The following SPMAP2L variants were observed in gnomAD, a reference collection of about 807,000 sequenced individuals.
SPMAP2L encodes sperm microtubule associated protein 2 like.
chr4:56,535,274 C>A, the SPMAP2L span, among the ~76,000 whole-genome samples: 1 of 152,160 alleles, frequency 6.6e-6, no homozygotes, highest in South Asian at 2.1e-4. Context: ...CCAATTTCTG[C>A]CTCCAAAGAA....
At chr4:56,603,938 G>A in the SPMAP2L span, among the ~76,000 whole-genome samples, 2 of 152,186 alleles carry the variant, frequency 1.3e-5, no homozygotes, top group African/African-American at 2.4e-5. Context: ...TACCATGAAT[G>A]AGAGAAAAAG....
the SPMAP2L span, among the ~76,000 whole-genome samples, chr4:56,582,229 A>C: frequency 6.6e-6 from 1 of 152,188 alleles, no homozygotes; most frequent in Non-Finnish European, 1.5e-5. Flanking sequence ...ACTTTTATGC[A>C]TTAAAGGACA....
chr4:56,605,080 A>G, the SPMAP2L span, among the ~76,000 whole-genome samples: 3 of 152,218 alleles, frequency 2.0e-5, no homozygotes, highest in Admixed American at 2.0e-4. Flanking sequence ...TGAGTGCACC[A>G]AAATCTCAGA....
the SPMAP2L span, among the ~76,000 whole-genome samples, chr4:56,572,721 AAAT>A: frequency 6.6e-6 from 1 of 151,966 alleles, no homozygotes; most frequent in African/African-American, 2.4e-5. Context: ...CTCTATATTA[AAAT>A]AATATTTGAG....
At chr4:56,567,817 A>G in the SPMAP2L span, among the ~76,000 whole-genome samples, 3 of 151,978 alleles carry the variant, frequency 2.0e-5, no homozygotes, top group Admixed American at 6.6e-5. Flanking sequence ...ATTATCATAT[A>G]TCTTAATGTT....
chr4:56,565,291 T>C, the SPMAP2L span, among the ~76,000 whole-genome samples: 1 of 152,224 alleles, frequency 6.6e-6, no homozygotes, highest in Non-Finnish European at 1.5e-5. Flanking sequence ...TAATTGTGGA[T>C]TTGTCTATTT....
At chr4:56,547,286 C>T in the SPMAP2L span, among the ~76,000 whole-genome samples, 1 of 150,284 alleles carries the variant, frequency 6.7e-6, no homozygotes, top group East Asian at 2.0e-4. Context: ...TCTCTTGTTG[C>T]CCAGGCTGAA....
At chr4:56,547,250 T>G in the SPMAP2L span, among the ~76,000 whole-genome samples, 1 of 151,656 alleles carries the variant, frequency 6.6e-6, no homozygotes, top group Non-Finnish European at 1.5e-5. Context: ...CTCTTTTTTT[T>G]TTTTTTTTTG....
At chr4:56,559,001 T>C in the SPMAP2L span, among the ~76,000 whole-genome samples, 1 of 152,004 alleles carries the variant, frequency 6.6e-6, no homozygotes, top group Non-Finnish European at 1.5e-5. Flanking sequence ...TGGTGTGATA[T>C]TGGCTCACTG....
chr4:56,577,793 T>A, the SPMAP2L span, among the ~76,000 whole-genome samples: 1 of 152,204 alleles, frequency 6.6e-6, no homozygotes, highest in South Asian at 2.1e-4. Flanking sequence ...ACAGTTATCC[T>A]GGGCATTATA....
At chr4:56,593,985 G>A in the SPMAP2L span, 1 of 1,610,476 alleles carries the variant, frequency 6.2e-7, no homozygotes, top group East Asian at 2.2e-5. Flanking sequence ...ATTCAGTGTG[G>A]CTGCTCAGTG....
chr4:56,543,120 A>T, the SPMAP2L span, among the ~76,000 whole-genome samples: 1 of 148,540 alleles, frequency 6.7e-6, no homozygotes, highest in Non-Finnish European at 1.5e-5. Flanking sequence ...TTTGAGACGG[A>T]GTCTCCAGGC....
At chr4:56,554,908 A>T in the SPMAP2L span, among the ~76,000 whole-genome samples, 1 of 149,496 alleles carries the variant, frequency 6.7e-6, no homozygotes, top group Non-Finnish European at 1.5e-5. Context: ...CAGTTGTTCC[A>T]GTACCATTTG....
chr4:56,623,068 T>C, the SPMAP2L span, among the ~76,000 whole-genome samples: 132 of 152,212 alleles, frequency 8.7e-4, 2 homozygotes, highest in African/African-American at 3.0e-3. Context: ...TCCCTTTGGG[T>C]CCTCCAGCTT....
At chr4:56,620,407 C>T in the SPMAP2L span, among the ~76,000 whole-genome samples, 2 of 131,226 alleles carry the variant, frequency 1.5e-5, no homozygotes, top group Admixed American at 7.6e-5. Context: ...TTTTTTGAGA[C>T]GGAATTTTGT....
At chr4:56,539,234 T>C in the SPMAP2L span, among the ~76,000 whole-genome samples, 2 of 152,176 alleles carry the variant, frequency 1.3e-5, no homozygotes, top group South Asian at 4.1e-4. Context: ...ATGGTGTAGG[T>C]AGTGAGCTGT....
chr4:56,538,502 CT>C, the SPMAP2L span, among the ~76,000 whole-genome samples: 7 of 152,152 alleles, frequency 4.6e-5, no homozygotes, highest in African/African-American at 1.7e-4. Context: ...AGTTTTCAGA[CT>C]TTGCTTTAGA....
chr4:56,537,232 G>A, the SPMAP2L span, among the ~76,000 whole-genome samples: 1 of 151,982 alleles, frequency 6.6e-6, no homozygotes, highest in Non-Finnish European at 1.5e-5. Flanking sequence ...TTGAATTCTT[G>A]CGGGCTCTGT....
At chr4:56,594,324 G>C in the SPMAP2L span, 1 of 1,513,176 alleles carries the variant, frequency 6.6e-7, no homozygotes, top group Non-Finnish European at 9.2e-7. Context: ...ATTCCACTGG[G>C]ATCCTGCACC....
Sources: gnomAD v4.1 joint callset for allele counts (sites outside exome capture counted in the v4.1 genomes callset) on GRCh38, gnomAD v4.1.1 for gene constraint, MANE v1.5 for transcripts, NCBI Gene and HGNC (gene_info 2026-07-23, HGNC 2026-07-21) for gene names.